FBN3: variants seen among roughly 807,000 people sequenced by gnomAD.
The protein encoded by FBN3 is fibrillin 3.
A neutral mutation model predicts 330.1 loss-of-function variants in FBN3; 234 were observed. That is an observed-to-expected ratio of 0.71 (90% confidence interval 0.64 to 0.79). The LOEUF is 0.79. Among genes scored for constraint, FBN3 ranks in the 30% least tolerant of loss-of-function variants. The pLI, the probability that FBN3 is intolerant of heterozygous loss-of-function variation, is 0.00. For synonymous variants in FBN3, 1,458 were observed against 1,517.3 expected, an observed-to-expected ratio of 0.96 and a Z score of 0.91; for missense variants, 3,606 against 3,886.9, an observed-to-expected ratio of 0.93 and a Z score of 1.92.
rs897173938 is a variant in FBN3 at position 8,121,846 on chromosome 19, A to T, written c.3083-460T>A. ...CTCACTGCAACTTCTGCCTCCCAGG[A>T]TCAAGCGATTCTCCTGCCTCAGCCT... is the stretch of plus-strand genomic sequence containing the variant. On this transcript the variant is annotated intron_variant, in intron 24 of 63. Transcript: ENST00000600128. This position sits in a 1 kb window ranked among gnomAD's most constrained non-coding sequence, Gnocchi z 4.5. 1.8e-4 allele frequency among the ~76,000 whole-genome samples: 27 copies of T among 151,610 alleles called. No homozygotes were observed. Among genetic ancestry groups the T allele is most frequent in the African/African-American group, 6.6e-4 (27 of 41,210 alleles).
rs1182590111 is a variant in FBN3 at position 8,087,896 on chromosome 19, T to C, written c.6548A>G (p.Asn2183Ser). The C allele has an allele frequency of 6.2e-7, 1 of 1,614,126 alleles. No homozygotes were observed. The highest frequency in any genetic ancestry group is 1.1e-5 in the South Asian group (1 of 91,088). The part of the protein sequence containing the change: ...NPLLCAFRCH[N>S]TEGSYLCTCP... ...GGTGCACAGGTAGGAGCCCTCGGTA[T>C]TGTGGCAGCGGAAGGCACAGAGCAG... Residue 2183 changes from asparagine to serine, a missense_variant, in exon 53 of 64, where the codon AAT becomes AGT. Transcript: ENST00000600128.
intron 16 of FBN3, among the ~76,000 whole-genome samples, chr19:8,130,609 A>G (rs755804939): frequency 0.027 from 320 of 11,738 alleles, 45 homozygotes; most frequent in Middle Eastern, 0.065. Flanking sequence ...AGAAAGAAAG[A>G]AAGAAAGAAA....
Position 8,131,504 on chromosome 19 carries a change from G to C in FBN3, c.1990+50C>G, listed in dbSNP as rs577002692. ...CCCCCACCAGAAGCGAGAACCGATG[G>C]AGGCATTCAGACCAAGGAGGCGATG... On this transcript the variant is annotated intron_variant, in intron 15 of 63. Transcript: ENST00000600128. The surrounding 1 kb of genome is among the most constrained non-coding windows in gnomAD (Gnocchi z 4.5). 4.5e-6 allele frequency: 7 copies of C among 1,561,850 alleles called. No homozygotes were observed. The East Asian group carries it at 1.6e-4, about 35-fold the overall frequency.
At chr19:8,091,679 A>C (rs1033171556) in intron 47 of FBN3, 89 bp from the exon 48 acceptor site, 1 of 1,470,706 alleles carries the variant, frequency 6.8e-7, no homozygotes, top group African/African-American at 1.4e-5. Context: ...GGACAGATGG[A>C]GTGCAGGTCC....
At chr19:8,068,910 C>A (rs74954996) in intron 63 of FBN3, among the ~76,000 whole-genome samples, 8,750 of 151,672 alleles carry the variant, frequency 0.058, 334 homozygotes, top group Middle Eastern at 0.082. Flanking sequence ...AGCTGAGGGA[C>A]CTTGCTCAGA....
chr19:8,089,173 ATGAG>A (rs1465125622), intron 51 of FBN3, among the ~76,000 whole-genome samples: 1 of 152,224 alleles, frequency 6.6e-6, no homozygotes, highest in Non-Finnish European at 1.5e-5. Context: ...AAGTGAAGGA[ATGAG>A]TGAGCCAAGG....
At chr19:8,099,382 G>A (rs76228783) in intron 41 of FBN3, among the ~76,000 whole-genome samples, 30,932 of 143,674 alleles carry the variant, frequency 0.22, 4,079 homozygotes, top group Middle Eastern at 0.31. Flanking sequence ...CTGGGTTCAC[G>A]CCATTCTCCT....
chr19:8,106,359 T>C, intron 37 of FBN3, 126 bp from the exon 38 acceptor site: 4 of 895,444 alleles, frequency 4.5e-6, no homozygotes, highest in East Asian at 5.2e-5. Context: ...CCATGACTGA[T>C]AGACATTTAA....
At chr19:8,091,698 G>T in intron 47 of FBN3, 108 bp from the exon 48 acceptor site, 2 of 1,262,518 alleles carry the variant, frequency 1.6e-6, no homozygotes, top group Non-Finnish European at 2.2e-6. Context: ...CCAGCCAGGG[G>T]CTGCAGTGGG....
intron 36 of FBN3, among the ~76,000 whole-genome samples, 161 bp from the exon 37 acceptor site, chr19:8,108,399 G>A (rs182941354): frequency 9.2e-4 from 140 of 152,276 alleles, no homozygotes; most frequent in Middle Eastern, 6.8e-3. Context: ...TTGGGGCCAA[G>A]AGACTTTGGC....
intron 55 of FBN3, 152 bp from the exon 56 acceptor site, chr19:8,085,721 G>A: frequency 1.7e-6 from 1 of 600,530 alleles, no homozygotes. Context: ...TGGCCCTAGT[G>A]GGTCACCGGC....
chr19:8,071,866 A>G (rs1431314050), intron 63 of FBN3, among the ~76,000 whole-genome samples, 182 bp downstream of exon 63: 1 of 151,844 alleles, frequency 6.6e-6, no homozygotes, highest in Non-Finnish European at 1.5e-5. Flanking sequence ...CCCAAGAAAA[A>G]TCCCAGGGCT....
Position 8,102,761 on chromosome 19 carries a change from C to T in FBN3, c.5052G>A (p.Trp1684Ter). 6.2e-7 allele frequency: 1 copy of T among 1,614,026 alleles called. No individual in the cohort carries two copies. Among genetic ancestry groups the T allele is most frequent in the Non-Finnish European group, 8.5e-7 (1 of 1,180,024 alleles). Residue 1684 changes from tryptophan to a stop codon, truncating the protein, a stop_gained, in exon 40 of 64, where the codon TGG (tryptophan) becomes TGA (stop). Transcript: ENST00000600128. LOFTEE classifies it high-confidence loss of function. ...TGGGGCAGGCCTCACAGGGTCTATT[C>T]CAGGCCTGGCCAATGTTGTAGGAGC... ...CCCSYNIGQA[W>*]NRPCEACPTP...
At position 8,102,861 on chromosome 19, in the gene FBN3, C is replaced by T. The variant is rs768423750; in HGVS notation, c.4952G>A (p.Ser1651Asn). 6 of 1,614,164 alleles carry T rather than the reference C, an allele frequency of 3.7e-6. No homozygotes were observed. Among genetic ancestry groups the T allele is most frequent in the South Asian group, 1.1e-5 (1 of 91,080 alleles). ...GCCGTTATAGTGCCGGAAGCAGACA[C>T]TCTTCCTCATATCTGTAGTTGGCAC... The part of the protein sequence containing the change: ...GGNNCMDMRK[S>N]VCFRHYNGTC... Residue 1651 changes from serine to asparagine, a missense_variant, in exon 40 of 64, where the codon AGT (serine) becomes AAT (asparagine). Ser to Asn is a conservative substitution (Grantham distance 46). Transcript: ENST00000600128.
intron 38 of FBN3, among the ~76,000 whole-genome samples, chr19:8,105,425 T>A (rs1416949245): frequency 6.6e-6 from 1 of 152,040 alleles, no homozygotes; most frequent in East Asian, 1.9e-4. Context: ...GCCCAGCTAT[T>A]TTTTTAATTT....
intron 32 of FBN3, 53 bp downstream of exon 32, chr19:8,111,595 G>A: frequency 2.2e-6 from 3 of 1,382,958 alleles, no homozygotes; most frequent in African/African-American, 1.4e-5. Context: ...CGTGAATTCA[G>A]CCCCCGTGGC....
chr19:8,123,732 T>G, intron 23 of FBN3, 52 bp downstream of exon 23: 1 of 1,601,968 alleles, frequency 6.2e-7, no homozygotes, highest in Non-Finnish European at 8.5e-7. Context: ...CTTTTGCCTA[T>G]GCCGTGCCCC....
intron 18 of FBN3, among the ~76,000 whole-genome samples, chr19:8,127,864 C>T (rs1010431220): frequency 8.5e-5 from 13 of 152,212 alleles, no homozygotes; most frequent in South Asian, 6.2e-4. Context: ...GCCTGTAGTC[C>T]GGGCTACTTG....
chr19:8,104,471 TA>T (rs5826993), intron 38 of FBN3, among the ~76,000 whole-genome samples: 98,157 of 142,258 alleles, frequency 0.69, 37,154 homozygotes, highest in Non-Finnish European at 0.86. Flanking sequence ...ACACTGGCTC[TA>T]AAAAAAAAAA....
Sources: allele counts gnomAD v4.1 joint callset (sites outside exome capture counted in the v4.1 genomes callset), GRCh38; gene constraint gnomAD v4.1.1; non-coding constraint Gnocchi (gnomAD v3.1); transcripts MANE v1.5; gene names NCBI Gene and HGNC (gene_info 2026-07-23, HGNC 2026-07-21).